Variants in SYTL5 observed in about 807,000 individuals in gnomAD.
The protein encoded by SYTL5 is synaptotagmin-like protein 5.
SYTL5 carries 34 observed loss-of-function variants against 55.9 expected under a neutral mutation model. The ratio of observed to expected loss-of-function variants is 0.61; its 90% CI spans 0.46 to 0.81. The LOEUF (loss-of-function observed/expected upper bound fraction) is 0.81. Ranked by LOEUF, SYTL5 falls within the 30% of genes least tolerant of loss-of-function variation. The pLI, the probability that SYTL5 is intolerant of heterozygous loss-of-function variation, is 0.00. For missense variants in SYTL5, 637 were observed against 546.7 expected (o/e 1.17, Z -1.65); for synonymous variants, 221 against 188.7 (o/e 1.17, Z -1.40).
At position 38,048,777 on chromosome X, in the gene SYTL5, G is replaced by A. The variant is rs1389520580; in HGVS notation, c.120-5436G>A. Reference sequence around the variant, plus strand: ...TCTCCCACAACACCTGGGAATTATGGGAGCTACAATTCAAGATGAGATTTG... The same window carrying A: ...TCTCCCACAACACCTGGGAATTATGAGAGCTACAATTCAAGATGAGATTTG... On this transcript the variant is annotated intron_variant, in intron 2 of 16. Coordinates refer to ENST00000297875, the MANE Select transcript of SYTL5 (RefSeq NM_138780.3). 3.6e-5 allele frequency among the ~76,000 whole-genome samples: 4 copies of A among 111,390 alleles called. No homozygotes were observed. In the East Asian group the frequency reaches 8.4e-4, roughly 24 times the overall value.
chrX:37,989,384 A>G, the SYTL5 span, among the ~76,000 whole-genome samples: 1 of 112,236 alleles, frequency 8.9e-6, no homozygotes, highest in East Asian at 2.8e-4. Context: ...AAAGAAGTCT[A>G]CAGGACTCTC....
intron 2 of SYTL5, among the ~76,000 whole-genome samples, chrX:38,053,700 T>G (rs1352338594): frequency 2.7e-5 from 3 of 111,944 alleles, no homozygotes; most frequent in African/African-American, 9.7e-5. Flanking sequence ...TTCACACTCC[T>G]GCCTCAAGTA....
chrX:37,988,574 C>T, the SYTL5 span, among the ~76,000 whole-genome samples: 1 of 111,928 alleles, frequency 8.9e-6, no homozygotes, highest in Non-Finnish European at 1.9e-5. Context: ...ATATAACAAC[C>T]TTAGATTATG....
chrX:38,041,207 G>T (rs1935276733), intron 2 of SYTL5, among the ~76,000 whole-genome samples: 1 of 112,062 alleles, frequency 8.9e-6, no homozygotes, highest in Admixed American at 9.5e-5. Context: ...CTGCAGATAA[G>T]TTCAATATTT....
chrX:37,949,464 T>G, the SYTL5 span: 2 of 111,904 alleles, frequency 1.8e-5, no homozygotes, highest in Non-Finnish European at 3.8e-5. Context: ...TTATTCATAT[T>G]GCTATTGCTT....
At chrX:38,103,766 T>G (rs995325893) in intron 10 of SYTL5, among the ~76,000 whole-genome samples, 2 of 111,033 alleles carry the variant, frequency 1.8e-5, no homozygotes, top group Admixed American at 9.6e-5. Flanking sequence ...CCCAAAACTT[T>G]CTCAGTTCAA....
the SYTL5 span, among the ~76,000 whole-genome samples, chrX:37,940,206 C>A: frequency 9.0e-6 from 1 of 110,766 alleles, no homozygotes. Context: ...GATTCTGAGA[C>A]CACTGTTGCC....
the SYTL5 span, chrX:37,906,679 A>G: frequency 8.9e-6 from 1 of 112,699 alleles, no homozygotes; most frequent in Non-Finnish European, 1.9e-5. Context: ...GGCACAATTA[A>G]TGTGAATGCC....
At chrX:37,969,440 A>T in the SYTL5 span, among the ~76,000 whole-genome samples, 2 of 112,083 alleles carry the variant, frequency 1.8e-5, no homozygotes, top group Non-Finnish European at 3.8e-5. Flanking sequence ...TCTCACATGT[A>T]GTTTTGAAGT....
intron 2 of SYTL5, among the ~76,000 whole-genome samples, chrX:38,043,661 GTATATA>G (rs35312093): frequency 9.4e-4 from 47 of 50,141 alleles, no homozygotes; most frequent in African/African-American, 2.3e-3. Flanking sequence ...ATGTATGTAT[GTATATA>G]TATATATATA....
the SYTL5 span, among the ~76,000 whole-genome samples, chrX:37,934,394 A>G: frequency 2.7e-5 from 3 of 109,100 alleles, no homozygotes; most frequent in Non-Finnish European, 5.7e-5. Context: ...CAAGTTGAAA[A>G]GTTCAATAAC....
At chrX:37,900,010 T>C in the SYTL5 span, among the ~76,000 whole-genome samples, 1 of 112,367 alleles carries the variant, frequency 8.9e-6, no homozygotes, top group Non-Finnish European at 1.9e-5. Context: ...TCAGTATTTG[T>C]TCTCTTAAGC....
At position 38,113,324 on chromosome X, in the gene SYTL5, G is replaced by A. The variant is rs778483648; in HGVS notation, c.1596+2842G>A. Among the ~76,000 whole-genome samples the A allele has an allele frequency of 3.1e-4, 35 of 112,414 alleles. No individual in the cohort carries two copies. The East Asian group carries it at 8.7e-3, about 28-fold the overall frequency. Reference sequence around the variant, plus strand: ...ATCTGAAAATCAACAGCAAGCTTACGTGGTTTTCCAAGGAAACGTTCTCTT... The same window carrying A: ...ATCTGAAAATCAACAGCAAGCTTACATGGTTTTCCAAGGAAACGTTCTCTT... On this transcript the variant is annotated intron_variant, in intron 13 of 16. Coordinates refer to ENST00000297875, the MANE Select transcript of SYTL5 (RefSeq NM_138780.3).
chrX:37,930,365 A>T, the SYTL5 span, among the ~76,000 whole-genome samples: 1 of 112,068 alleles, frequency 8.9e-6, no homozygotes, highest in Non-Finnish European at 1.9e-5. Context: ...TGTCAAAGGG[A>T]TATAAGAAGT....
intron 3 of SYTL5, among the ~76,000 whole-genome samples, chrX:38,060,619 C>T: frequency 1.8e-5 from 2 of 111,855 alleles, no homozygotes; most frequent in Admixed American, 1.9e-4. Context: ...TAAAGTATAT[C>T]AGGCTTAAGC....
chrX:37,904,646 G>A, the SYTL5 span, among the ~76,000 whole-genome samples: 2 of 111,249 alleles, frequency 1.8e-5, no homozygotes, highest in African/African-American at 6.6e-5. Flanking sequence ...ACATTGAAAT[G>A]AGTAACTTAT....
chrX:38,020,571 TTAA>T (rs1401790093), intron 1 of SYTL5, among the ~76,000 whole-genome samples: 1 of 107,486 alleles, frequency 9.3e-6, no homozygotes, highest in Non-Finnish European at 1.9e-5. Context: ...ATTAGTATTA[TTAA>T]TAATGGTATT....
chrX:38,043,661 G>GTATATATATATATATATATATA lies in SYTL5; in HGVS notation c.119+9662_119+9683dup, dbSNP rs35312093. Among the ~76,000 whole-genome samples the GTATATATATATATATATATATA allele has an allele frequency of 7.4e-4, 37 of 50,130 alleles. 1 individual carries two copies. Among genetic ancestry groups the GTATATATATATATATATATATA allele is most frequent in the East Asian group, 3.3e-3 (4 of 1,230 alleles). 43.5% of individuals were successfully genotyped at this position (50,130 alleles called of 115,157 possible). A position where few individuals can be genotyped will look rare whatever the true frequency, so the allele number is the denominator to read the frequency against. On this transcript the variant is annotated intron_variant, in intron 2 of 16. Coordinates refer to ENST00000297875, the MANE Select transcript of SYTL5 (RefSeq NM_138780.3). The stretch of plus-strand genomic sequence containing the variant: ...CTGTAACTTTTATGTATGTATGTAT[G>GTATATATATATATATATATATA]TATATATATATATATATATATATAT...
chrX:38,093,571 T>A (rs1365200479), intron 7 of SYTL5, among the ~76,000 whole-genome samples: 1 of 111,068 alleles, frequency 9.0e-6, no homozygotes, highest in Non-Finnish European at 1.9e-5. Flanking sequence ...GGGTCTATGG[T>A]CATGGGCGAA....
Sources: gnomAD v4.1 joint callset for allele counts (sites outside exome capture counted in the v4.1 genomes callset) on GRCh38, gnomAD v4.1.1 for gene constraint, MANE v1.5 for transcripts, NCBI Gene and HGNC (gene_info 2026-07-23, HGNC 2026-07-21) for gene names.